The following EPHB1 variants were observed in gnomAD, a reference collection of about 807,000 sequenced individuals.
EPHB1 encodes EPH receptor B1.
In EPHB1, 30 loss-of-function variants were observed where a neutral mutation model predicts 94.4. That is an observed-to-expected ratio of 0.32 (90% CI 0.24 to 0.43). EPHB1 has a LOEUF of 0.43. Ranked by LOEUF, EPHB1 falls within the 20% of genes least tolerant of loss-of-function variation. The pLI is 1.00. For missense variants in EPHB1, 1,055 were observed against 1,308.3 expected (o/e 0.81, Z 2.99); for synonymous variants, 522 against 489.1 (o/e 1.07, Z -0.89).
At chr3:135,126,435 G>A (rs1940211112) in intron 4 of EPHB1, among the ~76,000 whole-genome samples, 1 of 152,148 alleles carries the variant, frequency 6.6e-6, no homozygotes, top group Non-Finnish European at 1.5e-5. Flanking sequence ...TAGGTCAGGG[G>A]AGGACAATGA....
intron 3 of EPHB1, among the ~76,000 whole-genome samples, chr3:134,956,128 G>T (rs1266375716): frequency 6.6e-6 from 1 of 152,082 alleles, no homozygotes; most frequent in Non-Finnish European, 1.5e-5. Flanking sequence ...ACCTGGCAGG[G>T]GCAGGCTCCT....
At chr3:134,811,420 G>T (rs1354421459) in intron 1 of EPHB1, among the ~76,000 whole-genome samples, 1 of 151,830 alleles carries the variant, frequency 6.6e-6, no homozygotes, top group Non-Finnish European at 1.5e-5. Context: ...TGTATTTTTA[G>T]TAGAGACGGG....
intron 3 of EPHB1, among the ~76,000 whole-genome samples, chr3:135,072,201 T>G (rs1042048884): frequency 6.6e-6 from 1 of 152,002 alleles, no homozygotes; most frequent in African/African-American, 2.4e-5. Context: ...GCCAACATGG[T>G]GAAACCCCAT....
In EPHB1 at chr3:134,884,088, A is replaced by G. The variant is rs187076132; in HGVS notation, c.59-41728A>G. Among the ~76,000 whole-genome samples the G allele has an allele frequency of 4.8e-3, 731 of 152,296 alleles. 6 individuals are homozygous for G. The highest frequency in any genetic ancestry group is 0.029 in the South Asian group (142 of 4,832). On this transcript the variant is annotated intron_variant, in intron 1 of 15. Transcript: ENST00000398015. Reference sequence around the variant, plus strand: ...AGAGCTGTGTGCCCTGCCCCATGCCACCACCCATTCTGGCCTCCATCCCTC... The same window carrying G: ...AGAGCTGTGTGCCCTGCCCCATGCCGCCACCCATTCTGGCCTCCATCCCTC...
intron 2 of EPHB1, among the ~76,000 whole-genome samples, chr3:134,928,157 C>T (rs1437381398): frequency 2.0e-5 from 3 of 152,212 alleles, no homozygotes; most frequent in Non-Finnish European, 4.4e-5. Context: ...CCCACGCACA[C>T]ACGTGCATTC....
intron 1 of EPHB1, among the ~76,000 whole-genome samples, chr3:134,918,063 G>A (rs2038608191): frequency 6.6e-6 from 1 of 152,208 alleles, no homozygotes; most frequent in African/African-American, 2.4e-5. Flanking sequence ...TATATTGTAT[G>A]AGGGCATCTG....
rs1462333661 is a variant in EPHB1, at chr3:135,216,824, T to A, written c.2346+15135T>A. On this transcript the variant is annotated intron_variant, in intron 12 of 15. Transcript: ENST00000398015. ...ATTAACACCTCAATCATTTCCATTG[T>A]TATGCATCTATCAGTGAACCAGATG... is the stretch of plus-strand genomic sequence containing the variant. Among the ~76,000 whole-genome samples the A allele has an allele frequency of 2.0e-5, 3 of 151,986 alleles. No homozygotes were observed. In the East Asian group the frequency reaches 5.8e-4, roughly 29 times the overall value.
intron 5 of EPHB1, among the ~76,000 whole-genome samples, chr3:135,149,299 T>C (rs1941117008): frequency 6.6e-6 from 1 of 152,214 alleles, no homozygotes. Context: ...TTTATGTGTG[T>C]TTGCCAAAAA....
In EPHB1 at chr3:134,989,411, T is replaced by G. The variant is rs116222287; in HGVS notation, c.805+37359T>G. Among the ~76,000 whole-genome samples, 841 of 152,340 alleles carry G rather than the reference T, an allele frequency of 5.5e-3. 9 individuals carry two copies. The highest frequency in any genetic ancestry group is 0.019 in the African/African-American group (807 of 41,574). ...TTCTACTTATGTGTGTGTGATGTTTTTATATTAGAAAAGACTTTGCTTTTA... is the reference window on the plus strand; with the variant it reads ...TTCTACTTATGTGTGTGTGATGTTTGTATATTAGAAAAGACTTTGCTTTTA... On this transcript the variant is annotated intron_variant, in intron 3 of 15. Transcript: ENST00000398015.
At chr3:134,965,908 G>A (rs1199784809) in intron 3 of EPHB1, among the ~76,000 whole-genome samples, 1 of 152,196 alleles carries the variant, frequency 6.6e-6, no homozygotes, top group Non-Finnish European at 1.5e-5. Context: ...CATCCCAGGG[G>A]TTGGTGGCCT....
chr3:134,952,578 A>C (rs1261427378), intron 3 of EPHB1, among the ~76,000 whole-genome samples: 1 of 152,158 alleles, frequency 6.6e-6, no homozygotes, highest in African/African-American at 2.4e-5. Context: ...CGTGTAGCTC[A>C]TTAACTCAAA....
At position 135,183,309 on chromosome 3, in the gene EPHB1, G is replaced by A. The variant is rs1942240284; in HGVS notation, c.1882+3327G>A. On this transcript the variant is annotated intron_variant, in intron 10 of 15. Coordinates refer to ENST00000398015, the MANE Select transcript of EPHB1 (RefSeq NM_004441.5). ...CTTCCTTCCTGGAGAGCTGGTAGTT[G>A]AACACTTATAAGCACACCCCCACCC... Among the ~76,000 whole-genome samples the A allele has an allele frequency of 3.0e-5, 4 of 131,606 alleles. No individual in the cohort carries two copies. In the South Asian group the frequency reaches 9.6e-4, roughly 32 times the overall value. The allele number at this position is 131,606 out of a possible 152,430, so 86.3% of individuals were successfully genotyped here. A position where few individuals can be genotyped will look rare whatever the true frequency, so the allele number is the denominator to read the frequency against.
At chr3:135,161,034 T>C (rs1201246296) in intron 6 of EPHB1, among the ~76,000 whole-genome samples, 2 of 152,000 alleles carry the variant, frequency 1.3e-5, no homozygotes, top group Admixed American at 1.3e-4. Context: ...AGAAAAGAAG[T>C]GTGGCGTTGG....
chr3:134,960,502 C>A (rs545511827), intron 3 of EPHB1, among the ~76,000 whole-genome samples: 1 of 152,104 alleles, frequency 6.6e-6, no homozygotes. Flanking sequence ...GTGGTTTAGT[C>A]CAGAAGAGTA....
At chr3:134,907,527 C>T (rs1461049951) in intron 1 of EPHB1, among the ~76,000 whole-genome samples, 2 of 152,044 alleles carry the variant, frequency 1.3e-5, no homozygotes, top group African/African-American at 4.8e-5. Context: ...AAATTTGACC[C>T]ACAGGCACTA....
intron 4 of EPHB1, among the ~76,000 whole-genome samples, chr3:135,118,820 T>G (rs1264067631): frequency 6.6e-6 from 1 of 152,004 alleles, no homozygotes; most frequent in Non-Finnish European, 1.5e-5. Flanking sequence ...CATGGGTGAG[T>G]GTTTGGGCCC....
chr3:134,854,803 G>C (rs1281628480), intron 1 of EPHB1, among the ~76,000 whole-genome samples: 1 of 151,978 alleles, frequency 6.6e-6, no homozygotes, highest in Non-Finnish European at 1.5e-5. Context: ...GCTTGGTTTG[G>C]CTTTCTCTTT....
At chr3:134,866,852 G>A (rs914557098) in intron 1 of EPHB1, among the ~76,000 whole-genome samples, 1 of 152,188 alleles carries the variant, frequency 6.6e-6, no homozygotes, top group African/African-American at 2.4e-5. Context: ...CTCACCCTGG[G>A]AGCAGAACTG....
chr3:135,227,399 C>T (rs1384326535), intron 12 of EPHB1, among the ~76,000 whole-genome samples: 2 of 152,134 alleles, frequency 1.3e-5, no homozygotes, highest in Admixed American at 1.3e-4. Flanking sequence ...TTCTTCTCCT[C>T]TTTACTGTGT....
Sources: allele counts gnomAD v4.1 joint callset (sites outside exome capture counted in the v4.1 genomes callset), GRCh38; gene constraint gnomAD v4.1.1; transcripts MANE v1.5; gene names NCBI Gene and HGNC (gene_info 2026-07-23, HGNC 2026-07-21).